The following MED1 variants were observed in gnomAD, a reference collection of about 807,000 sequenced individuals.
The protein encoded by MED1 is mediator complex subunit 1.
A neutral mutation model predicts 121.3 loss-of-function variants in MED1; 17 were observed. The observed-to-expected ratio is 0.14, with a 90% CI of 0.10 to 0.21. The LOEUF (loss-of-function observed/expected upper bound fraction) is 0.21. MED1 is among the 10% of genes least tolerant of loss of function. The pLI is 1.00. For synonymous variants in MED1, 661 were observed against 694.4 expected, an observed-to-expected ratio of 0.95 and a Z score of 0.76; for missense variants, 1,558 against 1,919.4, an observed-to-expected ratio of 0.81 and a Z score of 3.52.
Position 39,451,187 on chromosome 17 carries a change from A to C in MED1, c.-125T>G. On this transcript the variant is annotated 5_prime_UTR_variant, in exon 1 of 17. Coordinates refer to ENST00000300651, the MANE Select transcript of MED1 (RefSeq NM_004774.4). ...ACCAGCAGTCCCTACTCTTCCCGGG[A>C]AGGATCAATCTGAAGTCCCCGGCGG... 8.9e-7 allele frequency: 1 copy of C among 1,123,290 alleles called. No homozygotes were observed. The allele number at this position is 1,123,290 out of a possible 1,614,324, so 69.6% of individuals were successfully genotyped here. A position where few individuals can be genotyped will look rare whatever the true frequency, so the allele number is the denominator to read the frequency against.
intron 14 of MED1, among the ~76,000 whole-genome samples, chr17:39,417,375 T>A (rs1199228156): frequency 6.7e-6 from 1 of 149,614 alleles, no homozygotes; most frequent in Non-Finnish European, 1.5e-5. Flanking sequence ...ATGCCTGTAA[T>A]CCCAGCACTC....
intron 16 of MED1, among the ~76,000 whole-genome samples, chr17:39,412,857 T>C (rs565923652): frequency 1.3e-5 from 2 of 152,188 alleles, no homozygotes; most frequent in East Asian, 3.9e-4. Flanking sequence ...TATAAGGCCA[T>C]ATAGTAATCC....
chr17:39,419,511 G>A (rs1034343432), intron 14 of MED1, among the ~76,000 whole-genome samples: 3 of 151,312 alleles, frequency 2.0e-5, no homozygotes, highest in Non-Finnish European at 2.9e-5. Context: ...GGGTTCAAGC[G>A]ATTCTCCTTC....
intron 7 of MED1, 147 bp downstream of exon 7, chr17:39,434,102 A>G (rs2048595973): frequency 3.5e-6 from 2 of 568,198 alleles, no homozygotes; most frequent in Non-Finnish European, 6.2e-6. Flanking sequence ...GAAAGGCCCA[A>G]TGTTGGAAGC....
At position 39,406,049 on chromosome 17, in the gene MED1, C is replaced by T; in HGVS notation, c.*1426G>A. The T allele has an allele frequency of 2.0e-6, 2 of 985,478 alleles. No homozygotes were observed. The highest frequency in any genetic ancestry group is 6.1e-5 in the Admixed American group (1 of 16,270). The allele number at this position is 985,478 out of a possible 1,614,324, so 61.0% of individuals were successfully genotyped here. A position where few individuals can be genotyped will look rare whatever the true frequency, so the allele number is the denominator to read the frequency against. On this transcript the variant is annotated 3_prime_UTR_variant, in exon 17 of 17. Coordinates refer to ENST00000300651, the MANE Select transcript of MED1 (RefSeq NM_004774.4). ...AGGCCGCAGAATTTTTGAGAGGACC[C>T]TCCAAATACTGAGAACTTCTGTTGC... is the stretch of plus-strand genomic sequence containing the variant.
intron 2 of MED1, among the ~76,000 whole-genome samples, chr17:39,444,020 C>A (rs1425865775): frequency 2.0e-5 from 3 of 152,018 alleles, no homozygotes; most frequent in Non-Finnish European, 4.4e-5. Flanking sequence ...ACAAAAAAAC[C>A]TTTAGAGAAA....
rs866879170 is a variant in MED1 at position 39,414,614 on chromosome 17, C to T, written c.1499+412G>A. On this transcript the variant is annotated intron_variant, in intron 16 of 16. Transcript: ENST00000300651. ...CCTCCCAAAGTGCTGGGATTACAGGCGTGAGCCACCAGGCCCGGCCTTTTT... is the reference window on the plus strand; with the variant it reads ...CCTCCCAAAGTGCTGGGATTACAGGTGTGAGCCACCAGGCCCGGCCTTTTT... Among the ~76,000 whole-genome samples the T allele has an allele frequency of 7.7e-3, 942 of 121,988 alleles. 15 individuals are homozygous for T. The highest frequency in any genetic ancestry group is 0.028 in the African/African-American group (895 of 32,530). 80.0% of individuals were successfully genotyped at this position (121,988 alleles called of 152,430 possible). A position where few individuals can be genotyped will look rare whatever the true frequency, so the allele number is the denominator to read the frequency against.
At chr17:39,431,866 T>C (rs2048567930) in intron 8 of MED1, 76 bp downstream of exon 8, 2 of 951,776 alleles carry the variant, frequency 2.1e-6, no homozygotes. Context: ...TTAATAGAGA[T>C]GTATAAAATA....
chr17:39,408,396 T>C lies in MED1; in HGVS notation c.3825A>G (p.Ser1275=). Residue 1275 remains serine, a synonymous_variant, in exon 17 of 17, where the codon TCA becomes TCG. Transcript: ENST00000300651. The surrounding 1 kb of genome is among the most constrained non-coding windows in gnomAD (Gnocchi z 4.7). ...SCTASSSSFS[S]SGSSMSSSQN... is the part of the protein sequence containing the mutation. ...GAGAGGATGACATGGAAGAGCCACT[T>C]GAGGAAAAGGAGGAGGAAGATGCCG... 1.2e-6 allele frequency: 2 copies of C among 1,614,086 alleles called. No homozygotes were observed. Among genetic ancestry groups the C allele is most frequent in the Non-Finnish European group, 1.7e-6 (2 of 1,180,014 alleles).
chr17:39,438,127 CAGG>C (rs1461067045), intron 6 of MED1, among the ~76,000 whole-genome samples: 1 of 150,710 alleles, frequency 6.6e-6, no homozygotes, highest in African/African-American at 2.4e-5. Context: ...GATGTGAGGT[CAGG>C]AGTTCAAGAT....
chr17:39,424,568 TTACA>T, intron 11 of MED1, 55 bp downstream of exon 11: 1 of 1,128,524 alleles, frequency 8.9e-7, no homozygotes. Flanking sequence ...TTAAAACTTG[TTACA>T]TACTGCGCTT....
In MED1 at chr17:39,407,610, G is replaced by A. The variant is rs749506261; in HGVS notation, c.4611C>T (p.Pro1537=). The change falls in exon 17 of 17, where the codon CCC becomes CCT. Residue 1537 remains proline, a synonymous_variant. Coordinates refer to ENST00000300651, the MANE Select transcript of MED1 (RefSeq NM_004774.4). ...TAGACAAGGACTGGTCTGAAGAGAT[G>A]GGTGATTTGGACCAACTCTCTGGCT... The part of the protein sequence containing the change: ...SIKPESWSKS[P]ISSDQSLSMT... 3 of 1,614,060 alleles carry A rather than the reference G, an allele frequency of 1.9e-6. No individual in the cohort carries two copies. In the Admixed American group the frequency reaches 5.0e-5, roughly 27 times the overall value.
intron 16 of MED1, among the ~76,000 whole-genome samples, chr17:39,412,746 C>T (rs1430930298): frequency 6.6e-6 from 1 of 151,920 alleles, no homozygotes; most frequent in Admixed American, 6.6e-5. Context: ...CCATCTTGGC[C>T]AGGCTGGTCT....
chr17:39,412,747 AG>A (rs2048368960), intron 16 of MED1, among the ~76,000 whole-genome samples: 1 of 151,986 alleles, frequency 6.6e-6, no homozygotes, highest in East Asian at 1.9e-4. Flanking sequence ...CATCTTGGCC[AG>A]GCTGGTCTTG....
chr17:39,407,222 T>G lies in MED1; in HGVS notation c.*253A>C. On this transcript the variant is annotated 3_prime_UTR_variant, in exon 17 of 17. Transcript: ENST00000300651. ...ACCCCTCCCACCCCCCTCCCTTTCT[T>G]AAGCAAGTATTTTAACTTTCTTTCT... 1 of 373,604 alleles carries G rather than the reference T, an allele frequency of 2.7e-6. No homozygotes were observed. The highest frequency in any genetic ancestry group is 3.4e-6 in the Non-Finnish European group (1 of 294,956). The allele number at this position is 373,604 out of a possible 1,614,324, so 23.1% of individuals were successfully genotyped here.
chr17:39,413,416 C>T (rs1597853919), intron 16 of MED1, among the ~76,000 whole-genome samples: 1 of 152,118 alleles, frequency 6.6e-6, no homozygotes, highest in Non-Finnish European at 1.5e-5. Flanking sequence ...ACGGATACCA[C>T]CATGCTCGGT....
In MED1 at chr17:39,422,896, C is replaced by T. The variant is rs557454753; in HGVS notation, c.1095+431G>A. On this transcript the variant is annotated intron_variant, in intron 13 of 16. Coordinates refer to ENST00000300651, the MANE Select transcript of MED1 (RefSeq NM_004774.4). ...TTTTTTTTTTTTTGAGACAGAGTCT[C>T]GCTCTGTCACCCAGGCTGGAGCACA... Among the ~76,000 whole-genome samples the T allele has an allele frequency of 7.6e-4, 96 of 125,878 alleles. 1 individual carries two copies. The highest frequency in any genetic ancestry group is 2.3e-3 in the African/African-American group (78 of 34,640). The allele number at this position is 125,878 out of a possible 152,430, so 82.6% of individuals were successfully genotyped here.
intron 14 of MED1, among the ~76,000 whole-genome samples, chr17:39,418,593 C>T (rs1236800562): frequency 1.3e-5 from 2 of 151,696 alleles, no homozygotes; most frequent in South Asian, 2.1e-4. Flanking sequence ...ATATCTGCTA[C>T]AGGGTACAGC....
chr17:39,433,309 C>T (rs1207575167), intron 7 of MED1, among the ~76,000 whole-genome samples: 2 of 150,988 alleles, frequency 1.3e-5, no homozygotes, highest in East Asian at 3.9e-4. Flanking sequence ...GTGGAGGCTG[C>T]AGTGAGCTGA....
Sources: gnomAD v4.1 joint callset for allele counts (sites outside exome capture counted in the v4.1 genomes callset) on GRCh38, gnomAD v4.1.1 for gene constraint, Gnocchi (gnomAD v3.1) non-coding constraint, MANE v1.5 for transcripts, NCBI Gene and HGNC (gene_info 2026-07-23, HGNC 2026-07-21) for gene names.